TTC39C: variants seen among roughly 807,000 people sequenced by gnomAD.
TTC39C encodes the protein tetratricopeptide repeat domain 39C, also known as tetratricopeptide repeat protein 39C.
TTC39C carries 33 observed loss-of-function variants against 76.3 expected under a neutral mutation model. The ratio of observed to expected loss-of-function variants is 0.43; its 90% confidence interval spans 0.33 to 0.58. TTC39C has a LOEUF of 0.58. Ranked by LOEUF, TTC39C falls within the 20% of genes least tolerant of loss-of-function variation. The pLI is 0.04. For missense variants in TTC39C, 595 were observed against 701.4 expected (o/e 0.85, Z 1.71); for synonymous variants, 254 against 260.6 (o/e 0.97, Z 0.24).
At chr18:24,108,697 TG>T (rs2084776017) in intron 6 of TTC39C, among the ~76,000 whole-genome samples, 1 of 152,236 alleles carries the variant, frequency 6.6e-6, no homozygotes, top group South Asian at 2.1e-4. Context: ...AAATGTCACC[TG>T]TAGTTAGTTG....
intron 1 of TTC39C, among the ~76,000 whole-genome samples, chr18:24,046,837 C>A (rs1474123812): frequency 6.6e-6 from 1 of 151,754 alleles, no homozygotes; most frequent in Non-Finnish European, 1.5e-5. Context: ...TATTTGAATG[C>A]ATATAGGCAA....
intron 1 of TTC39C, among the ~76,000 whole-genome samples, chr18:24,052,720 A>G (rs1412636117): frequency 6.6e-6 from 1 of 152,070 alleles, no homozygotes; most frequent in Admixed American, 6.5e-5. Flanking sequence ...GCTTGGAAGG[A>G]GTTGATGTTT....
At chr18:24,000,528 G>A (rs12608408) in intron 1 of TTC39C, 26,839 of 152,088 alleles carry the variant, frequency 0.18, 2,917 homozygotes, top group East Asian at 0.56. Flanking sequence ...CTCAGTTCAC[G>A]GTACTTTTTA....
At chr18:24,063,409 G>A (rs1011740752) in intron 1 of TTC39C, among the ~76,000 whole-genome samples, 1 of 151,708 alleles carries the variant, frequency 6.6e-6, no homozygotes, top group African/African-American at 2.4e-5. Flanking sequence ...AACAAGTTTT[G>A]CATTTTAAAA....
At chr18:24,041,364 C>T (rs1197451167) in intron 1 of TTC39C, among the ~76,000 whole-genome samples, 2 of 152,216 alleles carry the variant, frequency 1.3e-5, no homozygotes, top group African/African-American at 2.4e-5. Flanking sequence ...CTCTGGGCTC[C>T]ACCTTGCAGC....
chr18:24,118,087 T>C (rs962943514), intron 7 of TTC39C, 38 bp from the exon 8 acceptor site: 1 of 1,557,014 alleles, frequency 6.4e-7, no homozygotes, highest in Non-Finnish European at 8.8e-7. Flanking sequence ...TAGAGCTCAG[T>C]ACTTTAGGGT....
At chr18:24,096,212 A>T (rs2084586934) in intron 6 of TTC39C, among the ~76,000 whole-genome samples, 1 of 152,234 alleles carries the variant, frequency 6.6e-6, no homozygotes, top group Non-Finnish European at 1.5e-5. Flanking sequence ...GGACTTATTC[A>T]TGGCAGGGTT....
intron 1 of TTC39C, among the ~76,000 whole-genome samples, chr18:24,061,425 C>G (rs747968102): frequency 4.0e-5 from 6 of 151,798 alleles, no homozygotes; most frequent in Non-Finnish European, 7.4e-5. Flanking sequence ...GAGCTAGGAG[C>G]CTCTTCCTCC....
intron 3 of TTC39C, among the ~76,000 whole-genome samples, chr18:24,067,021 A>C (rs946864765): frequency 1.3e-5 from 2 of 152,228 alleles, no homozygotes; most frequent in Non-Finnish European, 2.9e-5. Flanking sequence ...ATTATGCTAA[A>C]ATCTAGAAAA....
chr18:24,101,110 A>C (rs930636170), intron 6 of TTC39C, among the ~76,000 whole-genome samples: 1 of 152,178 alleles, frequency 6.6e-6, no homozygotes, highest in African/African-American at 2.4e-5. Flanking sequence ...GCAGTAGGCT[A>C]GATAATTTGT....
At chr18:24,106,939 C>T (rs906718646) in intron 6 of TTC39C, among the ~76,000 whole-genome samples, 8 of 152,312 alleles carry the variant, frequency 5.3e-5, no homozygotes, top group Admixed American at 2.0e-4. Flanking sequence ...CCTGCCTTGG[C>T]GTCCCAAAGT....
intron 1 of TTC39C, among the ~76,000 whole-genome samples, chr18:24,030,724 C>T (rs1304404989): frequency 7.9e-6 from 1 of 126,602 alleles, no homozygotes; most frequent in Non-Finnish European, 1.6e-5. Context: ...GATCTAGACA[C>T]ACTGCAACCT....
chr18:24,048,567 T>C (rs1265332334), intron 1 of TTC39C, among the ~76,000 whole-genome samples: 1 of 152,250 alleles, frequency 6.6e-6, no homozygotes, highest in African/African-American at 2.4e-5. Flanking sequence ...ATGGTAAGTA[T>C]TTGAGATAAA....
chr18:24,015,225 C>G (rs964627079), intron 1 of TTC39C, 187 bp downstream of exon 1: 20 of 517,392 alleles, frequency 3.9e-5, no homozygotes, highest in Non-Finnish European at 5.8e-5. Context: ...TCGTCCACCC[C>G]CTACCCCCGG....
Position 24,118,181 on chromosome 18 carries a change from C to T in TTC39C, c.1135C>T (p.Leu379=). Reference sequence around the variant, plus strand: ...GGATGCATTTGATTCCTTTGAGAGGCTAAAAAATGAGTCCAGGTGGTCCCA... The same window carrying T: ...GGATGCATTTGATTCCTTTGAGAGGTTAAAAAATGAGTCCAGGTGGTCCCA... ...FKDAFDSFER[L]KNESRWSQCY... The change falls in exon 8 of 14, where the codon CTA becomes TTA. Residue 379 remains leucine, a synonymous_variant. Transcript: ENST00000317571. 1 of 1,613,920 alleles carries T rather than the reference C, an allele frequency of 6.2e-7. No individual in the cohort carries two copies. The highest frequency in any genetic ancestry group is 8.5e-7 in the Non-Finnish European group (1 of 1,179,934).
At chr18:24,009,904 C>T (rs371616894), upstream of TTC39C, among the ~76,000 whole-genome samples, 2 of 152,208 alleles carry the variant, frequency 1.3e-5, no homozygotes, top group African/African-American at 4.8e-5. Flanking sequence ...GCTGTGGTTT[C>T]CCAGGGCAGC....
intron 1 of TTC39C, among the ~76,000 whole-genome samples, chr18:24,025,225 C>T (rs1453801307): frequency 2.6e-5 from 4 of 152,154 alleles, no homozygotes; most frequent in Non-Finnish European, 4.4e-5. Context: ...CAGTATGCTA[C>T]GTATCCTTAA....
intron 1 of TTC39C, among the ~76,000 whole-genome samples, chr18:24,049,645 C>G (rs1488334609): frequency 6.6e-6 from 1 of 152,164 alleles, no homozygotes; most frequent in Non-Finnish European, 1.5e-5. Flanking sequence ...GAAGAGTGGT[C>G]TGGAACCAGC....
At chr18:24,077,865 C>A (rs1361258606) in intron 4 of TTC39C, among the ~76,000 whole-genome samples, 4 of 152,118 alleles carry the variant, frequency 2.6e-5, no homozygotes, top group Non-Finnish European at 4.4e-5. Context: ...CTGGATCAAT[C>A]CAGACACTTA....
Sources: gnomAD v4.1 joint callset for allele counts (sites outside exome capture counted in the v4.1 genomes callset) on GRCh38, gnomAD v4.1.1 for gene constraint, MANE v1.5 for transcripts, NCBI Gene and HGNC (gene_info 2026-07-23, HGNC 2026-07-21) for gene names.